The following ATP2C1 variants were observed in gnomAD, a reference collection of about 807,000 sequenced individuals.
ATP2C1 encodes ATPase secretory pathway Ca2+ transporting 1, also known as calcium-transporting ATPase type 2C member 1.
A neutral mutation model predicts 120.5 loss-of-function variants in ATP2C1; 31 were observed. That is an observed-to-expected ratio of 0.26 (90% CI 0.19 to 0.35). The LOEUF is 0.35. Among genes scored for constraint, ATP2C1 ranks in the 10% least tolerant of loss-of-function variants. The probability of loss-of-function intolerance (pLI) is 1.00; values close to 1 mark genes in which losing one functional copy is unlikely to be tolerated. For missense variants in ATP2C1, 731 were observed against 1,107.5 expected (o/e 0.66, Z 4.83); for synonymous variants, 351 against 358.7 (o/e 0.98, Z 0.24).
rs775691523 is a variant in ATP2C1, at chr3:130,953,824, G to A, written c.535G>A (p.Val179Met). Residue 179 changes from valine (V) to methionine (M), a missense_variant, in exon 9 of 28, where the codon GTG (valine) becomes ATG (methionine). By Grantham distance (21) the Val-to-Met change is conservative. Around this residue, in one of 3 missense-constraint regions of ATP2C1, gnomAD observed 571 missense variants for 845.9 expected, o/e 0.67. Coordinates refer to ENST00000510168, the MANE Select transcript of ATP2C1 (RefSeq NM_001378687.1). ...GGGATTCTTTATGTTCCCTAAGGCT[G>A]TGGATCTTTCCATTGATGAGTCCAG... ...VPADLRLFEA[V>M]DLSIDESSLT... The A allele has an allele frequency of 5.6e-6, 9 of 1,614,030 alleles. No homozygotes were observed. The highest frequency in any genetic ancestry group is 6.8e-6 in the Non-Finnish European group (8 of 1,179,940).
At chr3:130,927,807 A>G (rs2059282099) in intron 2 of ATP2C1, 1 of 152,968 alleles carries the variant, frequency 6.5e-6, no homozygotes, top group East Asian at 1.9e-4. Context: ...ATTTATCATC[A>G]GAGACTGTCA....
At chr3:130,910,598 T>C (rs1321717375) in intron 2 of ATP2C1, among the ~76,000 whole-genome samples, 1 of 117,544 alleles carries the variant, frequency 8.5e-6, no homozygotes, top group Admixed American at 9.2e-5. Context: ...CATAGATAGC[T>C]CTTATTATTT....
At chr3:130,942,287 T>C (rs369758917) in intron 8 of ATP2C1, among the ~76,000 whole-genome samples, 1 of 152,348 alleles carries the variant, frequency 6.6e-6, no homozygotes, top group South Asian at 2.1e-4. Flanking sequence ...TCAGAGGCCT[T>C]GGATACTAGG....
At chr3:131,014,469 A>G (rs1269839621) in intron 26 of ATP2C1, 1 of 1,299,480 alleles carries the variant, frequency 7.7e-7, no homozygotes, top group Non-Finnish European at 1.1e-6. Flanking sequence ...AGCTTCAACA[A>G]ATGCATCTAA....
chr3:130,975,865 A>G (rs1315268718), intron 18 of ATP2C1, among the ~76,000 whole-genome samples: 14 of 152,216 alleles, frequency 9.2e-5, no homozygotes, highest in Non-Finnish European at 1.5e-5. Context: ...CCTCTAATAT[A>G]TCCTTTAAGG....
chr3:130,974,644 T>G (rs1160858383), intron 17 of ATP2C1, among the ~76,000 whole-genome samples: 1 of 150,956 alleles, frequency 6.6e-6, no homozygotes, highest in Non-Finnish European at 1.5e-5. Flanking sequence ...TTTAGCTATA[T>G]CATAAAGATG....
chr3:130,884,259 T>C (rs2068888747), intron 1 of ATP2C1, among the ~76,000 whole-genome samples: 1 of 152,224 alleles, frequency 6.6e-6, no homozygotes. Flanking sequence ...AATTTCTTCA[T>C]TGACCCACTG....
intron 26 of ATP2C1, among the ~76,000 whole-genome samples, chr3:130,999,253 T>C (rs1453442313): frequency 6.6e-6 from 1 of 152,222 alleles, no homozygotes; most frequent in Non-Finnish European, 1.5e-5. Flanking sequence ...AAAAGGTTTC[T>C]TTTCTTTCTA....
chr3:130,854,871 A>G (rs570912532), intron 1 of ATP2C1, among the ~76,000 whole-genome samples: 98 of 152,326 alleles, frequency 6.4e-4, no homozygotes, highest in African/African-American at 2.2e-3. Flanking sequence ...TCAGCCTTGC[A>G]TCCAATCATC....
Position 130,996,725 on chromosome 3 carries a change from C to A in ATP2C1, c.2172C>A (p.Asn724Lys). Residue 724 changes from asparagine to lysine, a missense_variant, in exon 24 of 28, where the codon AAC becomes AAA. Coordinates refer to ENST00000510168, the MANE Select transcript of ATP2C1 (RefSeq NM_001378687.1). ...TAATCTCATTGGCTACATTAATGAA[C>A]TTTCCTAATCCTCTCAATGCCATGC... ...LTLISLATLM[N>K]FPNPLNAMQI... is the part of the protein sequence containing the mutation. 6.2e-7 allele frequency: 1 copy of A among 1,613,170 alleles called. No homozygotes were observed. The highest frequency in any genetic ancestry group is 8.5e-7 in the Non-Finnish European group (1 of 1,179,204).
chr3:130,996,157 A>G (rs774883443), intron 23 of ATP2C1, 46 bp downstream of exon 23: 6 of 1,334,818 alleles, frequency 4.5e-6, no homozygotes, highest in Non-Finnish European at 6.5e-6. Context: ...TGGATAAATT[A>G]TATGAAAAGT....
intron 1 of ATP2C1, among the ~76,000 whole-genome samples, chr3:130,886,628 G>A (rs2068978935): frequency 6.6e-6 from 1 of 152,050 alleles, no homozygotes; most frequent in African/African-American, 2.4e-5. Flanking sequence ...CTGCTATTAA[G>A]AGACTCTGAT....
At chr3:130,948,342 G>A (rs968902170) in intron 8 of ATP2C1, among the ~76,000 whole-genome samples, 7 of 150,358 alleles carry the variant, frequency 4.7e-5, no homozygotes, top group Admixed American at 4.6e-4. Flanking sequence ...ATTATTGGTT[G>A]ACAGTTTTTT....
intron 2 of ATP2C1, among the ~76,000 whole-genome samples, chr3:130,906,240 TCCC>T (rs2058114306): frequency 6.6e-6 from 1 of 152,024 alleles, no homozygotes; most frequent in Non-Finnish European, 1.5e-5. Flanking sequence ...CTTCCCATTC[TCCC>T]CTTTCGCTAG....
chr3:130,909,443 C>G (rs2058289003), intron 2 of ATP2C1, among the ~76,000 whole-genome samples: 1 of 152,080 alleles, frequency 6.6e-6, no homozygotes, highest in Admixed American at 6.6e-5. Context: ...TATTGAAATC[C>G]AATTAATGGT....
chr3:130,903,141 T>A (rs1027747421), intron 2 of ATP2C1, among the ~76,000 whole-genome samples: 5 of 152,042 alleles, frequency 3.3e-5, no homozygotes, highest in African/African-American at 1.2e-4. Context: ...CTAATGTACG[T>A]TTTATTAATT....
intron 4 of ATP2C1, among the ~76,000 whole-genome samples, chr3:130,932,925 C>T (rs1021251247): frequency 6.6e-6 from 1 of 152,126 alleles, no homozygotes; most frequent in African/African-American, 2.4e-5. Context: ...TCTAAAGTAG[C>T]AACACTGGAA....
At chr3:130,929,209 T>C (rs1256373553) in intron 2 of ATP2C1, among the ~76,000 whole-genome samples, 1 of 152,214 alleles carries the variant, frequency 6.6e-6, no homozygotes, top group Non-Finnish European at 1.5e-5. Flanking sequence ...CTGCTCTTTG[T>C]TTTAAAGTAT....
chr3:130,890,023 A>C (rs1433218243), upstream of ATP2C1, among the ~76,000 whole-genome samples: 2 of 152,180 alleles, frequency 1.3e-5, no homozygotes, highest in Non-Finnish European at 2.9e-5. Context: ...TGATCATAGG[A>C]AACAAGTAGA....
Sources: allele counts gnomAD v4.1 joint callset (sites outside exome capture counted in the v4.1 genomes callset), GRCh38; gene constraint gnomAD v4.1.1; regional missense constraint gnomAD v4.1.1; transcripts MANE v1.5; gene names NCBI Gene and HGNC (gene_info 2026-07-23, HGNC 2026-07-21).